The following CERT1 variants were observed in gnomAD, a reference collection of about 807,000 sequenced individuals.
The protein encoded by CERT1 is ceramide transfer protein.
Under a neutral mutation model 87.9 loss-of-function variants are expected in CERT1, and 31 were observed. That is an observed-to-expected ratio of 0.35 (90% confidence interval 0.27 to 0.48). The LOEUF (loss-of-function observed/expected upper bound fraction) is 0.48. CERT1 is among the 20% of genes least tolerant of loss of function. The pLI is 0.99. For missense variants in CERT1, 487 were observed against 758.0 expected, an observed-to-expected ratio of 0.64 and a Z score of 4.20; for synonymous variants, 289 against 250.9, an observed-to-expected ratio of 1.15 and a Z score of -1.44.
intron 2 of CERT1, among the ~76,000 whole-genome samples, chr5:75,501,602 G>T (rs540338996): frequency 4.6e-5 from 7 of 152,278 alleles, no homozygotes; most frequent in African/African-American, 1.7e-4. Flanking sequence ...TAAGGAACTG[G>T]TTGATGAAAT....
intron 2 of CERT1, among the ~76,000 whole-genome samples, chr5:75,489,919 T>C (rs1766697426): frequency 6.6e-6 from 1 of 152,210 alleles, no homozygotes; most frequent in South Asian, 2.1e-4. Flanking sequence ...TGCATACGTA[T>C]GTTTACTGCA....
chr5:75,477,481 A>C (rs991425841), intron 2 of CERT1, among the ~76,000 whole-genome samples: 1 of 152,002 alleles, frequency 6.6e-6, no homozygotes, highest in African/African-American at 2.4e-5. Flanking sequence ...GATACTACCA[A>C]AATCTCCTCT....
intron 3 of CERT1, among the ~76,000 whole-genome samples, chr5:75,449,919 CTGTCTTTTTGACATAA>C (rs1331962839): frequency 6.6e-6 from 1 of 152,120 alleles, no homozygotes; most frequent in Admixed American, 6.6e-5. Context: ...AACAATCTCC[CTGTCTTTTTGACATAA>C]TATCTTGTTA....
intron 15 of CERT1, 29 bp from the exon 16 acceptor site, chr5:75,381,230 A>T (rs749537709): frequency 6.2e-7 from 1 of 1,613,156 alleles, no homozygotes; most frequent in Non-Finnish European, 8.5e-7. Context: ...AAGCATCAGT[A>T]GATACCCAGT....
intron 8 of CERT1, among the ~76,000 whole-genome samples, chr5:75,404,445 G>A (rs1277403973): frequency 6.6e-6 from 1 of 152,012 alleles, no homozygotes; most frequent in Non-Finnish European, 1.5e-5. Flanking sequence ...ACACCCTAGA[G>A]GCCTTCCTCC....
At chr5:75,372,147 C>T (rs898654147) in intron 17 of CERT1, 2 of 152,176 alleles carry the variant, frequency 1.3e-5, no homozygotes, top group Non-Finnish European at 2.9e-5. Flanking sequence ...GCTTTGTAAA[C>T]TTGCCATACT....
At chr5:75,379,586 A>T (rs1761473775) in intron 16 of CERT1, 113 bp from the exon 17 acceptor site, 14 of 987,174 alleles carry the variant, frequency 1.4e-5, no homozygotes, top group South Asian at 1.7e-5. Context: ...ACCAATTAGC[A>T]TCTTTTTTTT....
At chr5:75,390,197 T>G (rs1012097498) in intron 11 of CERT1, among the ~76,000 whole-genome samples, 1 of 152,116 alleles carries the variant, frequency 6.6e-6, no homozygotes, top group Non-Finnish European at 1.5e-5. Flanking sequence ...TACACAAAGA[T>G]GAGCAAAGAT....
chr5:75,446,656 A>T lies in CERT1; in HGVS notation c.348+12409T>A, dbSNP rs531474718. ...TTCTTTTTTTTCCTCAGGGTTTGTT[A>T]TTTGTTATTGTTATTTTTTACTGTC... On this transcript the variant is annotated intron_variant, in intron 3 of 16. Coordinates refer to ENST00000643780, the MANE Select transcript of CERT1 (RefSeq NM_001379029.1). Among the ~76,000 whole-genome samples the T allele has an allele frequency of 2.2e-4, 33 of 151,552 alleles. 1 individual carries two copies. The South Asian group carries it at 6.2e-3, about 29-fold the overall frequency.
chr5:75,387,250 T>C (rs922754608), intron 12 of CERT1, among the ~76,000 whole-genome samples: 1 of 152,202 alleles, frequency 6.6e-6, no homozygotes. Context: ...TGGCAGTTCC[T>C]AGATGTGGTG....
intron 7 of CERT1, 90 bp from the exon 8 acceptor site, chr5:75,411,193 G>T: frequency 1.4e-6 from 1 of 695,070 alleles, no homozygotes; most frequent in Non-Finnish European, 2.4e-6. Context: ...ACATTTCACT[G>T]AAATTTTACA....
chr5:75,403,597 G>T (rs1762587464), intron 8 of CERT1, among the ~76,000 whole-genome samples: 1 of 152,204 alleles, frequency 6.6e-6, no homozygotes. Context: ...GTAAAAATTT[G>T]CACAAGAACT....
rs1561278339 is a variant in CERT1 at position 75,459,305 on chromosome 5, T to G, written c.232-124A>C. The G allele has an allele frequency of 4.9e-6, 3 of 608,040 alleles. No homozygotes were observed. The South Asian group carries it at 6.2e-5, about 12-fold the overall frequency. The allele number at this position is 608,040 out of a possible 1,614,324, so 37.7% of individuals were successfully genotyped here. A position where few individuals can be genotyped will look rare whatever the true frequency, so the allele number is the denominator to read the frequency against. On this transcript the variant is annotated intron_variant, in intron 2 of 16. Transcript: ENST00000643780. The stretch of plus-strand genomic sequence containing the variant: ...TGGGAGACTTGTTACTTTTTATTTT[T>G]CTGCTCAAATAACTTGTCTGAAGAT...
At chr5:75,381,364 CT>C (rs912115806) in intron 15 of CERT1, among the ~76,000 whole-genome samples, 163 bp from the exon 16 acceptor site, 12 of 151,972 alleles carry the variant, frequency 7.9e-5, no homozygotes, top group Non-Finnish European at 1.5e-5. Context: ...TCCCCACCCA[CT>C]TTTTCTGGGG....
intron 3 of CERT1, among the ~76,000 whole-genome samples, chr5:75,444,548 C>CT (rs952234196): frequency 0.072 from 9,274 of 128,746 alleles, 922 homozygotes; most frequent in African/African-American, 0.21. Flanking sequence ...CTTTTCTTTT[C>CT]TTTTTTTTTT....
chr5:75,374,666 A>C (rs79342205), downstream of CERT1: 8,005 of 629,286 alleles, frequency 0.013, 270 homozygotes, highest in African/African-American at 0.085. Context: ...CCAAGCTGTT[A>C]TGTGAAGCTA....
chr5:75,465,483 A>C (rs1307930700), intron 2 of CERT1, among the ~76,000 whole-genome samples: 2 of 152,252 alleles, frequency 1.3e-5, no homozygotes, highest in African/African-American at 2.4e-5. Context: ...AAGATGAATC[A>C]ATCAGTGCTC....
chr5:75,509,517 A>G (rs1050595103), intron 1 of CERT1, among the ~76,000 whole-genome samples: 2 of 152,180 alleles, frequency 1.3e-5, no homozygotes, highest in Non-Finnish European at 2.9e-5. Flanking sequence ...CATAGAGGTG[A>G]TCAAATACAT....
chr5:75,384,620 G>C (rs1319781551), intron 14 of CERT1, 22 bp downstream of exon 14: 3 of 1,520,902 alleles, frequency 2.0e-6, no homozygotes, highest in Non-Finnish European at 2.7e-6. Context: ...AATCCTTTTA[G>C]GATGAATGAA....
Sources: gnomAD v4.1 joint callset for allele counts (sites outside exome capture counted in the v4.1 genomes callset) on GRCh38, gnomAD v4.1.1 for gene constraint, MANE v1.5 for transcripts, NCBI Gene and HGNC (gene_info 2026-07-23, HGNC 2026-07-21) for gene names.